The following RPA3 variants were observed in gnomAD, a reference collection of about 807,000 sequenced individuals.
RPA3 encodes the protein replication protein A 14 kDa subunit.
RPA3 carries 24 observed loss-of-function variants against 13.7 expected under a neutral mutation model. The observed-to-expected ratio is 1.75, with a 90% CI of 1.27 to 2.46. The LOEUF (loss-of-function observed/expected upper bound fraction) is 2.46. RPA3 is among the 30% of genes most tolerant of loss of function. The pLI is 0.00. For missense variants in RPA3, 183 were observed against 151.0 expected, an observed-to-expected ratio of 1.21 and a Z score of -1.11; for synonymous variants, 59 against 51.2, an observed-to-expected ratio of 1.15 and a Z score of -0.65.
chr7:7,682,088 A>T (rs772699609), intron 4 of RPA3, among the ~76,000 whole-genome samples: 1 of 152,170 alleles, frequency 6.6e-6, no homozygotes, highest in South Asian at 2.1e-4. Flanking sequence ...ACTATTGTAG[A>T]GATTAAAGGA....
intron 2 of RPA3, among the ~76,000 whole-genome samples, chr7:7,702,837 A>G (rs1780494075): frequency 1.3e-5 from 2 of 152,180 alleles, no homozygotes; most frequent in African/African-American, 4.8e-5. Flanking sequence ...AAAAATGCTT[A>G]GAGACAAGTC....
chr7:7,638,761 T>C (rs1784904387), intron 6 of RPA3: 1 of 220,846 alleles, frequency 4.5e-6, no homozygotes, highest in Admixed American at 5.7e-5. Context: ...ACAAAAAACC[T>C]CTTGAGGAAG....
intron 2 of RPA3, among the ~76,000 whole-genome samples, chr7:7,698,309 A>AT (rs1391331838): frequency 6.6e-6 from 1 of 152,150 alleles, no homozygotes; most frequent in Non-Finnish European, 1.5e-5. Flanking sequence ...ACTAGAGAAA[A>AT]TTTTTTTAGT....
rs759590301 is a variant in RPA3 at position 7,640,377 on chromosome 7, G to A, written c.42C>T (p.Ala14=). ...MMDLPRSRIN[A]GMLAQFIDKP... is the part of the protein sequence containing the mutation. ...TGTCGATGAATTGAGCTAGCATGCC[G>A]GCGTTGATGCGCGACCTGGGCAAGT... Residue 14 remains alanine (A), a synonymous_variant, in exon 5 of 8, where the codon GCC becomes GCT. Transcript: ENST00000223129. The A allele has an allele frequency of 8.7e-6, 14 of 1,613,940 alleles. No individual in the cohort carries two copies. The highest frequency in any genetic ancestry group is 1.0e-5 in the Non-Finnish European group (12 of 1,180,030).
intron 4 of RPA3, among the ~76,000 whole-genome samples, chr7:7,668,342 C>T (rs1473774253): frequency 6.6e-6 from 1 of 152,082 alleles, no homozygotes; most frequent in East Asian, 1.9e-4. Context: ...TTTACTGTTT[C>T]AGTTACTTAT....
chr7:7,702,132 T>C (rs1049186195), intron 2 of RPA3, among the ~76,000 whole-genome samples: 1 of 152,206 alleles, frequency 6.6e-6, no homozygotes, highest in Admixed American at 6.5e-5. Context: ...TTTTCTATTG[T>C]GTTTGTGATT....
At chr7:7,689,614 G>A (rs1468959431) in intron 2 of RPA3, among the ~76,000 whole-genome samples, 2 of 152,080 alleles carry the variant, frequency 1.3e-5, no homozygotes. Flanking sequence ...TGTTTTTCAT[G>A]CCCAGACTTC....
chr7:7,638,731 A>C (rs922270744), intron 6 of RPA3: 2 of 178,690 alleles, frequency 1.1e-5, no homozygotes, highest in African/African-American at 4.7e-5. Flanking sequence ...CCTGTCTCAA[A>C]ACAAAAAAAC....
chr7:7,674,747 G>A (rs1282514349), intron 4 of RPA3, among the ~76,000 whole-genome samples: 2 of 152,068 alleles, frequency 1.3e-5, no homozygotes, highest in Non-Finnish European at 2.9e-5. Context: ...TGTTAACTCC[G>A]ATTTTAGTTC....
intron 2 of RPA3, among the ~76,000 whole-genome samples, chr7:7,713,362 A>G (rs1563146505): frequency 6.6e-6 from 1 of 151,502 alleles, no homozygotes; most frequent in Non-Finnish European, 1.5e-5. Flanking sequence ...ACAAAACAAA[A>G]ACAAACAAAC....
intron 3 of RPA3, among the ~76,000 whole-genome samples, chr7:7,686,987 G>T (rs28912736): frequency 2.0e-5 from 3 of 152,178 alleles, no homozygotes; most frequent in Non-Finnish European, 4.4e-5. Flanking sequence ...TACGTTGTAA[G>T]GATAGCTGAA....
intron 4 of RPA3, chr7:7,673,302 A>G (rs1162877268): frequency 3.3e-6 from 4 of 1,224,230 alleles, no homozygotes; most frequent in Non-Finnish European, 4.6e-6. Context: ...TAATGTTTCT[A>G]TTTCAGGTAG....
At chr7:7,672,730 A>T (rs1414189410) in intron 4 of RPA3, among the ~76,000 whole-genome samples, 2 of 152,238 alleles carry the variant, frequency 1.3e-5, no homozygotes, top group African/African-American at 4.8e-5. Flanking sequence ...GCCATGTGAA[A>T]CTGTGAGTCA....
chr7:7,665,002 G>GAT (rs61708850), intron 4 of RPA3, among the ~76,000 whole-genome samples: 33,921 of 151,172 alleles, frequency 0.22, 3,899 homozygotes, highest in South Asian at 0.26. Context: ...GTGATATATA[G>GAT]ATATATATAT....
chr7:7,640,066 C>G (rs893048466), intron 5 of RPA3: 2 of 506,018 alleles, frequency 4.0e-6, no homozygotes, highest in African/African-American at 3.9e-5. Flanking sequence ...CTTACGTAAG[C>G]ACGGCTAGAA....
intron 4 of RPA3, among the ~76,000 whole-genome samples, chr7:7,684,775 C>T (rs1168818450): frequency 1.3e-5 from 2 of 152,160 alleles, no homozygotes; most frequent in East Asian, 3.8e-4. Context: ...ACTTTTCAAA[C>T]CAACATCTGA....
intron 2 of RPA3, among the ~76,000 whole-genome samples, chr7:7,695,874 T>G (rs1007616442): frequency 2.0e-5 from 3 of 152,166 alleles, no homozygotes; most frequent in Non-Finnish European, 4.4e-5. Flanking sequence ...TCTTATGCAC[T>G]AATGGTTGGA....
chr7:7,700,461 C>T (rs1419602398), intron 2 of RPA3, among the ~76,000 whole-genome samples: 2 of 152,158 alleles, frequency 1.3e-5, no homozygotes, highest in Admixed American at 1.3e-4. Context: ...TGCAGTGGCT[C>T]ATGCCTGTAA....
intron 4 of RPA3, among the ~76,000 whole-genome samples, chr7:7,649,431 G>C (rs1047462112): frequency 6.6e-6 from 1 of 152,102 alleles, no homozygotes; most frequent in Non-Finnish European, 1.5e-5. Context: ...CTCATAACCT[G>C]GTTACCTTTT....
Sources: allele counts gnomAD v4.1 joint callset (sites outside exome capture counted in the v4.1 genomes callset), GRCh38; gene constraint gnomAD v4.1.1; transcripts MANE v1.5; gene names NCBI Gene and HGNC (gene_info 2026-07-23, HGNC 2026-07-21).